The following JAKMIP2 variants were observed in gnomAD, a reference collection of about 807,000 sequenced individuals.
JAKMIP2 encodes the protein janus kinase and microtubule-interacting protein 2.
A neutral mutation model predicts 115.0 loss-of-function variants in JAKMIP2; 25 were observed. The ratio of observed to expected loss-of-function variants is 0.22; its 90% confidence interval spans 0.16 to 0.30. The LOEUF (loss-of-function observed/expected upper bound fraction) is 0.30, where lower values mean the gene tolerates loss of function less well. Among genes scored for constraint, JAKMIP2 ranks in the 10% least tolerant of loss-of-function variants. JAKMIP2 has a pLI of 1.00. For missense variants in JAKMIP2, 642 were observed against 957.6 expected (o/e 0.67, Z 4.35); for synonymous variants, 334 against 343.6 (o/e 0.97, Z 0.31).
rs566166655 is a variant in JAKMIP2 at position 147,636,886 on chromosome 5, G to A, written c.1614+79C>T. ...GAGAGCCAAGCTGTGTCCTGGGTGC[G>A]GCCCATGCACAGGTGAGCTACAGGA... is the stretch of plus-strand genomic sequence containing the variant. On this transcript the variant is annotated intron_variant, in intron 11 of 21. Coordinates refer to ENST00000616793, the MANE Select transcript of JAKMIP2 (RefSeq NM_001270941.2). The A allele has an allele frequency of 2.4e-4, 204 of 848,256 alleles. 1 individual carries two copies. The African/African-American group carries it at 2.5e-3, about 11-fold the overall frequency. 52.5% of individuals were successfully genotyped at this position (848,256 alleles called of 1,614,324 possible).
chr5:147,669,416 C>T (rs1350305225), intron 2 of JAKMIP2, among the ~76,000 whole-genome samples: 1 of 152,150 alleles, frequency 6.6e-6, no homozygotes, highest in East Asian at 1.9e-4. Context: ...TATGCTTGGC[C>T]TGCGGGCTTA....
intron 15 of JAKMIP2, 65 bp from the exon 16 acceptor site, chr5:147,628,881 G>T: frequency 8.5e-7 from 1 of 1,178,496 alleles, no homozygotes; most frequent in Non-Finnish European, 1.3e-6. Context: ...AGAAAATACT[G>T]TCTGACTGAC....
chr5:147,726,834 C>G (rs1205410555), intron 1 of JAKMIP2, among the ~76,000 whole-genome samples: 2 of 151,998 alleles, frequency 1.3e-5, no homozygotes, highest in Admixed American at 6.5e-5. Flanking sequence ...TTAGTCTCTG[C>G]TTATCCAGAG....
In JAKMIP2 at chr5:147,637,437, A is replaced by ATTTTTTTTTTTTTTTTTTTTT. The variant is rs34831610; in HGVS notation, c.1531-390_1531-389insAAAAAAAAAAAAAAAAAAAAA. On this transcript the variant is annotated intron_variant, in intron 10 of 21. Transcript: ENST00000616793. ...CATTTTGCCTCCCCAAATTCTTTTG[A>ATTTTTTTTTTTTTTTTTTTTT]TTTTTTTTTTTTTTTTTTTTGAGAC... Among the ~76,000 whole-genome samples, 261 of 79,282 alleles carry ATTTTTTTTTTTTTTTTTTTTT rather than the reference A, an allele frequency of 3.3e-3. 13 individuals are homozygous for ATTTTTTTTTTTTTTTTTTTTT. The highest frequency in any genetic ancestry group is 6.7e-3 in the East Asian group (15 of 2,244). The allele number at this position is 79,282 out of a possible 152,430, so 52.0% of individuals were successfully genotyped here.
intron 1 of JAKMIP2, among the ~76,000 whole-genome samples, chr5:147,690,331 C>T (rs532210672): frequency 9.3e-5 from 14 of 150,968 alleles, no homozygotes; most frequent in Admixed American, 2.6e-4. Flanking sequence ...AGACCCTGTC[C>T]CTAAAAAAAG....
chr5:147,745,295 A>G (rs1353288307), intron 1 of JAKMIP2, among the ~76,000 whole-genome samples: 5 of 152,216 alleles, frequency 3.3e-5, no homozygotes, highest in Admixed American at 2.6e-4. Flanking sequence ...GCTGTCTTCA[A>G]ATAATTTGGA....
chr5:147,758,676 G>T (rs1454156204), intron 1 of JAKMIP2, among the ~76,000 whole-genome samples: 1 of 152,048 alleles, frequency 6.6e-6, no homozygotes, highest in African/African-American at 2.4e-5. Context: ...TTGAACTCCT[G>T]GGCTCCAGGG....
chr5:147,654,755 T>C (rs1758590559), intron 3 of JAKMIP2, among the ~76,000 whole-genome samples: 1 of 152,184 alleles, frequency 6.6e-6, no homozygotes, highest in Non-Finnish European at 1.5e-5. Flanking sequence ...CTATGTTGAC[T>C]AGGAGTGGTG....
chr5:147,644,015 T>C, intron 7 of JAKMIP2, 43 bp downstream of exon 7: 1 of 1,469,930 alleles, frequency 6.8e-7, no homozygotes, highest in Non-Finnish European at 9.1e-7. Context: ...TGGCTACTTG[T>C]CCTTGGGAAC....
In JAKMIP2 at chr5:147,591,542, T is replaced by C; in HGVS notation, c.*165A>G. ...CTGTCAAGTAAGAAACCTTGAATAA[T>C]GGCTTTAAAATACACAGTTGTAGTC... On this transcript the variant is annotated 3_prime_UTR_variant, in exon 22 of 22. Transcript: ENST00000616793. The C allele has an allele frequency of 1.3e-6, 1 of 759,180 alleles. No individual in the cohort carries two copies. Among genetic ancestry groups the C allele is most frequent in the East Asian group, 2.6e-5 (1 of 38,930 alleles). 47.0% of individuals were successfully genotyped at this position (759,180 alleles called of 1,614,324 possible). A position where few individuals can be genotyped will look rare whatever the true frequency, so the allele number is the denominator to read the frequency against.
chr5:147,726,109 C>T (rs28853315), intron 1 of JAKMIP2, among the ~76,000 whole-genome samples: 25,224 of 152,104 alleles, frequency 0.17, 2,272 homozygotes, highest in South Asian at 0.24. Context: ...TATATCTTTT[C>T]TGTTACTCAG....
intron 1 of JAKMIP2, among the ~76,000 whole-genome samples, chr5:147,695,714 G>C (rs996546866): frequency 6.6e-6 from 1 of 151,684 alleles, no homozygotes; most frequent in Non-Finnish European, 1.5e-5. Context: ...GAGAAAGAGA[G>C]AGAGAACAAG....
intron 2 of JAKMIP2, chr5:147,661,855 T>C (rs1425606447): frequency 1.7e-5 from 3 of 175,950 alleles, no homozygotes; most frequent in East Asian, 3.2e-4. Context: ...ATCGCTATCA[T>C]GGTTTTTCCC....
Position 147,756,927 on chromosome 5 carries a change from A to AT in JAKMIP2, c.-149+25528dup, listed in dbSNP as rs912732900. Among the ~76,000 whole-genome samples the AT allele has an allele frequency of 5.3e-5, 8 of 152,278 alleles. No individual in the cohort carries two copies. The East Asian group carries it at 5.8e-4, about 11-fold the overall frequency. ...TGTAAACTGTGCTAGATGCTGTCAT[A>AT]TTTTATAGTAGGTGCTCAATAAATG... On this transcript the variant is annotated intron_variant, in intron 1 of 21. Coordinates refer to ENST00000616793, the MANE Select transcript of JAKMIP2 (RefSeq NM_001270941.2).
Position 147,742,155 on chromosome 5 carries a change from A to ATATATATATATATATATATATTTTTTT in JAKMIP2, c.-149+40300_-149+40301insAAAAAAATATATATATATATATATATA. ...TGTGGATCATTATATATATATATAT[A>ATATATATATATATATATATATTTTTTT]TTTTTTTTACTATTGTATTGTATCT... On this transcript the variant is annotated intron_variant, in intron 1 of 21. Coordinates refer to ENST00000616793, the MANE Select transcript of JAKMIP2 (RefSeq NM_001270941.2). Among the ~76,000 whole-genome samples the ATATATATATATATATATATATTTTTTT allele has an allele frequency of 6.5e-4, 71 of 108,856 alleles. 4 individuals carry two copies. The East Asian group carries it at 0.012, about 19-fold the overall frequency. 71.4% of individuals were successfully genotyped at this position (108,856 alleles called of 152,430 possible).
intron 1 of JAKMIP2, among the ~76,000 whole-genome samples, chr5:147,750,035 T>C (rs1754491296): frequency 6.6e-6 from 1 of 152,228 alleles, no homozygotes; most frequent in African/African-American, 2.4e-5. Flanking sequence ...TCATGACTCA[T>C]ACATGGTTAG....
Position 147,661,344 on chromosome 5 carries a change from G to A in JAKMIP2, c.231C>T (p.Leu77=). The A allele has an allele frequency of 6.2e-7, 1 of 1,614,028 alleles. No homozygotes were observed. The highest frequency in any genetic ancestry group is 8.5e-7 in the Non-Finnish European group (1 of 1,180,036). Reference sequence around the variant, plus strand: ...GCAGCTCCTTCATCTTCTCCTCATGGAGCTTGGCTTTGAGTTCTGTCACCA... The same window carrying A: ...GCAGCTCCTTCATCTTCTCCTCATGAAGCTTGGCTTTGAGTTCTGTCACCA... ...TVLVTELKAK[L]HEEKMKELQA... is the part of the protein sequence containing the mutation. The change falls in exon 3 of 22, where the codon CTC becomes CTT. Residue 77 remains leucine (L), a synonymous_variant. Coordinates refer to ENST00000616793, the MANE Select transcript of JAKMIP2 (RefSeq NM_001270941.2).
intron 21 of JAKMIP2, chr5:147,595,465 T>C (rs1479119550): frequency 2.2e-6 from 1 of 456,594 alleles, no homozygotes; most frequent in African/African-American, 2.0e-5. Flanking sequence ...GGCGCCATCT[T>C]GGAAGTAGAC....
intron 1 of JAKMIP2, among the ~76,000 whole-genome samples, chr5:147,764,857 G>A (rs968007790): frequency 7.0e-6 from 1 of 143,882 alleles, no homozygotes; most frequent in Non-Finnish European, 1.5e-5. Context: ...CTGCACTCCA[G>A]GCTGGTGACA....
Sources: allele counts gnomAD v4.1 joint callset (sites outside exome capture counted in the v4.1 genomes callset), GRCh38; gene constraint gnomAD v4.1.1; transcripts MANE v1.5; gene names NCBI Gene and HGNC (gene_info 2026-07-23, HGNC 2026-07-21).